TSGA10IP: variants seen among roughly 807,000 people sequenced by gnomAD.
TSGA10IP encodes testis-specific protein 10-interacting protein.
A neutral mutation model predicts 63.2 loss-of-function variants in TSGA10IP; 64 were observed. The ratio of observed to expected loss-of-function variants is 1.01; its 90% CI spans 0.83 to 1.25. TSGA10IP has a LOEUF of 1.25. Among genes scored for constraint, TSGA10IP ranks in the 50% most tolerant of loss-of-function variants. The probability of loss-of-function intolerance (pLI) is 0.00; values close to 1 mark genes in which losing one functional copy is unlikely to be tolerated. For missense variants in TSGA10IP, 681 were observed against 710.1 expected, an observed-to-expected ratio of 0.96 and a Z score of 0.47; for synonymous variants, 316 against 298.3, an observed-to-expected ratio of 1.06 and a Z score of -0.61.
At chr11:65,958,618 C>A (rs919998039) in intron 5 of TSGA10IP, among the ~76,000 whole-genome samples, 1 of 152,222 alleles carries the variant, frequency 6.6e-6, no homozygotes, top group African/African-American at 2.4e-5. Flanking sequence ...CAAGCCCCAG[C>A]TGCACAGGGC....
chr11:65,956,272 G>C (rs1229145878), intron 5 of TSGA10IP, among the ~76,000 whole-genome samples: 1 of 151,896 alleles, frequency 6.6e-6, no homozygotes, highest in Non-Finnish European at 1.5e-5. Flanking sequence ...CGAGTAGCTG[G>C]GATTACAGGC....
Position 65,953,687 on chromosome 11 carries a change from CAG to C in TSGA10IP, c.1275_1276del (p.Gly426GlufsTer24). The C allele has an allele frequency of 6.3e-7, 1 of 1,585,194 alleles. No individual in the cohort carries two copies. On this transcript the variant is annotated frameshift_variant, in exon 5 of 8. Coordinates refer to ENST00000532620, the Ensembl canonical transcript of TSGA10IP. LOFTEE classifies it high-confidence loss of function. ...CCCACTGCCTGGCAGCCTACGCACC[CAG>C]AGGGAGCCGGGGCCCTGGGGCGGCC...
Position 65,958,787 on chromosome 11 carries a change from T to A in TSGA10IP, c.1323-96T>A, listed in dbSNP as rs187752523. 8.3e-6 allele frequency: 8 copies of A among 968,988 alleles called. No individual in the cohort carries two copies. In the African/African-American group the frequency reaches 9.7e-5, roughly 12 times the overall value. 60.0% of individuals were successfully genotyped at this position (968,988 alleles called of 1,614,324 possible). A position where few individuals can be genotyped will look rare whatever the true frequency, so the allele number is the denominator to read the frequency against. On this transcript the variant is annotated intron_variant, in intron 5 of 7. Coordinates refer to ENST00000532620, the Ensembl canonical transcript of TSGA10IP. ...CTTTGTAAAGGTGAGGGTGAGGACA[T>A]GAATATCAAGTCCTTAGTGAAGATA...
In TSGA10IP at chr11:65,953,755, CGGGAGGCCTGGTTGGGAGAGGGCA is replaced by C; in HGVS notation, c.1322+27_1322+50del. On this transcript the variant is annotated intron_variant, in intron 5 of 7. Coordinates refer to ENST00000532620, the Ensembl canonical transcript of TSGA10IP. ...GAGCTGAGGTAGGGAGCCTGGGCTT[CGGGAGGCCTGGTTGGGAGAGGGCA>C]GGGAGGCCGTGTCAGGTCTCAGTCT... The C allele has an allele frequency of 1.3e-6, 2 of 1,494,904 alleles. No homozygotes were observed. Among genetic ancestry groups the C allele is most frequent in the Non-Finnish European group, 1.8e-6 (2 of 1,130,074 alleles). The allele number at this position is 1,494,904 out of a possible 1,614,324, so 92.6% of individuals were successfully genotyped here.
intron 1 of TSGA10IP, among the ~76,000 whole-genome samples, chr11:65,946,654 C>T (rs183755944): frequency 1.3e-5 from 2 of 152,238 alleles, no homozygotes; most frequent in East Asian, 1.9e-4. Context: ...AGGCTGGTCT[C>T]GAACTCCTGG....
intron 5 of TSGA10IP, among the ~76,000 whole-genome samples, chr11:65,954,620 C>A (rs1000700395): frequency 6.6e-6 from 1 of 152,052 alleles, no homozygotes; most frequent in Non-Finnish European, 1.5e-5. Flanking sequence ...AAAGCAAAGG[C>A]CACCCTGACC....
exon 3 of TSGA10IP, chr11:65,947,788 G>A: frequency 6.3e-7 from 1 of 1,579,950 alleles, no homozygotes; most frequent in Non-Finnish European, 8.6e-7. Flanking sequence ...CATGGGACCT[G>A]GAGAAGCTGC....
At chr11:65,950,855 C>A (rs1001589559) in intron 4 of TSGA10IP, among the ~76,000 whole-genome samples, 2 of 152,188 alleles carry the variant, frequency 1.3e-5, no homozygotes, top group African/African-American at 4.8e-5. Context: ...AGCCACCACA[C>A]CTGGCTGCTG....
intron 5 of TSGA10IP, among the ~76,000 whole-genome samples, chr11:65,955,651 C>T (rs751956692): frequency 1.4e-4 from 22 of 151,760 alleles, no homozygotes; most frequent in Non-Finnish European, 2.6e-4. Flanking sequence ...TGCACGAGGG[C>T]ACAGGGGCTG....
At chr11:65,948,011 G>T in exon 4 of TSGA10IP, 5 of 1,561,332 alleles carry the variant, frequency 3.2e-6, no homozygotes, top group Non-Finnish European at 4.3e-6. Flanking sequence ...GCCCCCAAAA[G>T]CTGCCCTGGA....
At chr11:65,945,622 C>A in exon 1 of TSGA10IP, 1 of 1,589,122 alleles carries the variant, frequency 6.3e-7, no homozygotes, top group South Asian at 1.1e-5. Context: ...GGACTGGTTG[C>A]CATAGAGATG....
intron 3 of TSGA10IP, 54 bp downstream of exon 3, chr11:65,947,882 G>A: frequency 1.3e-6 from 2 of 1,513,046 alleles, no homozygotes; most frequent in South Asian, 1.3e-5. Context: ...GCAGGGAACA[G>A]GGAGCAGTCA....
Position 65,958,866 on chromosome 11 carries a change from G to A in TSGA10IP, c.1323-17G>A, listed in dbSNP as rs528548237. The A allele has an allele frequency of 9.3e-6, 15 of 1,605,746 alleles. No homozygotes were observed. The African/African-American group carries it at 1.6e-4, about 17-fold the overall frequency. ...TGTGTCCATGGTTAGCTGCACAAAGGCCTGTCTCCCCTGCAGGCGCCAGGA... is the reference window on the plus strand; with the variant it reads ...TGTGTCCATGGTTAGCTGCACAAAGACCTGTCTCCCCTGCAGGCGCCAGGA... On this transcript the variant is annotated splice_polypyrimidine_tract_variant and intron_variant, in intron 5 of 7. Transcript: ENST00000532620.
chr11:65,952,163 T>C (rs1055121800), intron 4 of TSGA10IP, among the ~76,000 whole-genome samples: 8 of 152,224 alleles, frequency 5.3e-5, no homozygotes, highest in African/African-American at 1.9e-4. Context: ...CTTTGCCCAT[T>C]TTTTGAGTTA....
rs373515115 is a variant in TSGA10IP, at chr11:65,947,245, G to A, written c.420G>A (p.Ser140=). 13 of 1,610,328 alleles carry A rather than the reference G, an allele frequency of 8.1e-6. No homozygotes were observed. The African/African-American group carries it at 1.1e-4, about 13-fold the overall frequency. ...ACCAAGCCCTGCCCATGCCCTCCTCGTTCTCCCAGCGTCAGTCCAGGCGCA... is the reference window on the plus strand; with the variant it reads ...ACCAAGCCCTGCCCATGCCCTCCTCATTCTCCCAGCGTCAGTCCAGGCGCA... Residue 140 remains serine (S), a synonymous_variant, in exon 3 of 8, where the codon TCG becomes TCA. Coordinates refer to ENST00000532620, the Ensembl canonical transcript of TSGA10IP.
chr11:65,954,804 C>A (rs1282951642), intron 5 of TSGA10IP, among the ~76,000 whole-genome samples: 2 of 128,946 alleles, frequency 1.6e-5, no homozygotes, highest in African/African-American at 6.4e-5. Flanking sequence ...GGCGACAGAG[C>A]AAAAACTCCA....
intron 5 of TSGA10IP, among the ~76,000 whole-genome samples, chr11:65,958,669 C>T (rs1260300645): frequency 6.6e-6 from 1 of 152,212 alleles, no homozygotes; most frequent in Non-Finnish European, 1.5e-5. Flanking sequence ...TGAACAAGTC[C>T]CTCAACCCTC....
At chr11:65,957,844 T>G (rs1018016087) in intron 5 of TSGA10IP, among the ~76,000 whole-genome samples, 2 of 152,206 alleles carry the variant, frequency 1.3e-5, no homozygotes, top group African/African-American at 4.8e-5. Context: ...GGATGCCTGG[T>G]CCCATGTGGG....
intron 4 of TSGA10IP, among the ~76,000 whole-genome samples, chr11:65,951,522 TTATTA>T (rs2134874538): frequency 7.0e-6 from 1 of 142,728 alleles, no homozygotes; most frequent in East Asian, 2.5e-4. Context: ...GCTTATTTTA[TTATTA>T]TTATTATTAT....
Sources: gnomAD v4.1 joint callset for allele counts (sites outside exome capture counted in the v4.1 genomes callset) on GRCh38, gnomAD v4.1.1 for gene constraint, MANE v1.5 for transcripts, NCBI Gene and HGNC (gene_info 2026-07-23, HGNC 2026-07-21) for gene names.